Variants in FSTL4 observed in about 807,000 individuals in gnomAD.
FSTL4 encodes follistatin-related protein 4.
In FSTL4, 28 loss-of-function variants were observed where a neutral mutation model predicts 78.2. The observed-to-expected ratio is 0.36, with a 90% CI of 0.27 to 0.49. The LOEUF is 0.49. Ranked by LOEUF, FSTL4 falls within the 20% of genes least tolerant of loss-of-function variation. FSTL4 has a pLI of 0.98. For synonymous variants in FSTL4, 422 were observed against 440.5 expected, an observed-to-expected ratio of 0.96 and a Z score of 0.53; for missense variants, 922 against 1,084.9, an observed-to-expected ratio of 0.85 and a Z score of 2.11.
chr5:133,370,337 C>T (rs1755267458), intron 4 of FSTL4, among the ~76,000 whole-genome samples: 1 of 152,120 alleles, frequency 6.6e-6, no homozygotes. Context: ...GATGGCCCCT[C>T]ACTTGGTATC....
chr5:133,227,863 A>G (rs1751381263), intron 8 of FSTL4, among the ~76,000 whole-genome samples: 1 of 152,236 alleles, frequency 6.6e-6, no homozygotes, highest in South Asian at 2.1e-4. Flanking sequence ...GAAGGGATTA[A>G]AAAATATGAG....
intron 3 of FSTL4, among the ~76,000 whole-genome samples, chr5:133,544,390 T>C (rs1759533047): frequency 6.6e-6 from 1 of 152,296 alleles, no homozygotes; most frequent in African/African-American, 2.4e-5. Flanking sequence ...AGTTCTATAC[T>C]GAGGAAACAT....
intron 6 of FSTL4, among the ~76,000 whole-genome samples, chr5:133,266,250 AC>A (rs1300384735): frequency 6.6e-6 from 1 of 152,216 alleles, no homozygotes; most frequent in African/African-American, 2.4e-5. Flanking sequence ...CAGCACGCAC[AC>A]CCAACATGGC....
At chr5:133,615,538 C>T (rs1375619014), upstream of FSTL4, among the ~76,000 whole-genome samples, 1 of 152,148 alleles carries the variant, frequency 6.6e-6, no homozygotes, top group African/African-American at 2.4e-5. Context: ...AACGACATGT[C>T]TAAGGCCATT....
chr5:133,470,211 G>A (rs1416523707), intron 3 of FSTL4, among the ~76,000 whole-genome samples: 2 of 152,124 alleles, frequency 1.3e-5, no homozygotes, highest in African/African-American at 2.4e-5. Context: ...TGCCAGACCC[G>A]CAACAGAAAA....
the FSTL4 span, among the ~76,000 whole-genome samples, chr5:133,656,185 C>G: frequency 3.3e-5 from 5 of 152,036 alleles, no homozygotes; most frequent in African/African-American, 1.2e-4. Flanking sequence ...GAAAGTGAGA[C>G]AGGGAAGAGA....
chr5:133,577,294 G>C (rs1760304663), intron 2 of FSTL4, among the ~76,000 whole-genome samples: 1 of 152,208 alleles, frequency 6.6e-6, no homozygotes, highest in African/African-American at 2.4e-5. Context: ...AGAGCTTGCT[G>C]CAAGTGCTCA....
chr5:133,479,780 T>C (rs1411565433), intron 3 of FSTL4, among the ~76,000 whole-genome samples: 1 of 152,192 alleles, frequency 6.6e-6, no homozygotes, highest in Non-Finnish European at 1.5e-5. Flanking sequence ...TTTTAGAAAA[T>C]TCTGCAAACA....
chr5:133,680,604 C>T, the FSTL4 span, among the ~76,000 whole-genome samples: 1 of 152,194 alleles, frequency 6.6e-6, no homozygotes, highest in Non-Finnish European at 1.5e-5. Flanking sequence ...TTCATTATTG[C>T]AGAAGAACTT....
chr5:133,706,124 T>C, the FSTL4 span, among the ~76,000 whole-genome samples: 7 of 152,360 alleles, frequency 4.6e-5, no homozygotes, highest in South Asian at 2.1e-4. Flanking sequence ...AGTCTATCCC[T>C]GTCCCTTGGT....
intron 3 of FSTL4, among the ~76,000 whole-genome samples, chr5:133,555,549 T>A (rs754668397): frequency 2.6e-5 from 4 of 152,208 alleles, no homozygotes; most frequent in Non-Finnish European, 5.9e-5. Context: ...GAAAGCTCTT[T>A]GAGAGCAAAA....
At chr5:133,364,663 C>T (rs1377288390) in intron 4 of FSTL4, among the ~76,000 whole-genome samples, 1 of 152,182 alleles carries the variant, frequency 6.6e-6, no homozygotes, top group Non-Finnish European at 1.5e-5. Context: ...TTAGTCTTCT[C>T]TTAGCATGTA....
the FSTL4 span, among the ~76,000 whole-genome samples, chr5:133,749,224 A>G: frequency 6.6e-6 from 1 of 152,342 alleles, no homozygotes; most frequent in East Asian, 1.9e-4. Context: ...ACAGGGGTAC[A>G]GTTTAGGGAA....
the FSTL4 span, among the ~76,000 whole-genome samples, chr5:133,690,691 T>C: frequency 1.3e-5 from 2 of 152,214 alleles, no homozygotes; most frequent in Non-Finnish European, 2.9e-5. Flanking sequence ...AATTTCTGAC[T>C]TTTGATGTGA....
At chr5:133,475,363 G>A (rs905718666) in intron 3 of FSTL4, among the ~76,000 whole-genome samples, 13 of 152,304 alleles carry the variant, frequency 8.5e-5, no homozygotes, top group East Asian at 1.9e-4. Context: ...CAAAGGCGGC[G>A]TCCGACCGTG....
chr5:133,574,405 A>T (rs1160844040), intron 2 of FSTL4, among the ~76,000 whole-genome samples: 3 of 152,246 alleles, frequency 2.0e-5, no homozygotes, highest in African/African-American at 7.2e-5. Flanking sequence ...CCCAGTATGG[A>T]GAGGCTCCTC....
At chr5:133,201,835 G>C (rs970726965) in intron 15 of FSTL4, 98 bp downstream of exon 15, 14 of 667,174 alleles carry the variant, frequency 2.1e-5, no homozygotes, top group Non-Finnish European at 3.4e-5. Context: ...GAGTGGAGGA[G>C]ACAGAGAAAT....
chr5:133,480,248 C>T (rs1019410104), intron 3 of FSTL4, among the ~76,000 whole-genome samples: 7 of 152,234 alleles, frequency 4.6e-5, no homozygotes, highest in Non-Finnish European at 8.8e-5. Flanking sequence ...AATTACTTCA[C>T]CTCTGTAAGC....
At chr5:133,431,870 GTTT>G (rs984624513) in intron 3 of FSTL4, among the ~76,000 whole-genome samples, 2 of 152,056 alleles carry the variant, frequency 1.3e-5, no homozygotes, top group Non-Finnish European at 2.9e-5. Flanking sequence ...AATCCTTGGG[GTTT>G]TTTTCATTAA....
Sources: allele counts gnomAD v4.1 joint callset (sites outside exome capture counted in the v4.1 genomes callset), GRCh38; gene constraint gnomAD v4.1.1; transcripts MANE v1.5; gene names NCBI Gene and HGNC (gene_info 2026-07-23, HGNC 2026-07-21).